Variants in SPECC1 observed in about 807,000 individuals in gnomAD.
The protein encoded by SPECC1 is cytospin-B.
SPECC1 carries 62 observed loss-of-function variants against 104.1 expected under a neutral mutation model. The ratio of observed to expected loss-of-function variants is 0.60; its 90% CI spans 0.49 to 0.74. The LOEUF (loss-of-function observed/expected upper bound fraction) is 0.74. Ranked by LOEUF, SPECC1 falls within the 30% of genes least tolerant of loss-of-function variation. SPECC1 has a pLI of 0.00. For synonymous variants in SPECC1, 513 were observed against 501.6 expected (o/e 1.02, Z -0.30); for missense variants, 1,306 against 1,310.5 (o/e 1.00, Z 0.05).
intron 9 of SPECC1, among the ~76,000 whole-genome samples, chr17:20,249,337 G>C (rs143827614): frequency 7.2e-5 from 11 of 152,264 alleles, no homozygotes; most frequent in African/African-American, 1.4e-4. Flanking sequence ...AGAATCACTT[G>C]AACTCAGGAG....
intron 1 of SPECC1, among the ~76,000 whole-genome samples, chr17:20,021,700 ATAT>A (rs1405419663): frequency 0.022 from 2,240 of 101,604 alleles, 55 homozygotes; most frequent in African/African-American, 0.064. Flanking sequence ...ATATATATAT[ATAT>A]TTTTTTGTAC....
At chr17:20,258,653 C>G (rs1385772784) in intron 11 of SPECC1, among the ~76,000 whole-genome samples, 1 of 152,208 alleles carries the variant, frequency 6.6e-6, no homozygotes, top group Non-Finnish European at 1.5e-5. Flanking sequence ...TTAGTTTCTG[C>G]CTTTGTAATA....
chr17:20,043,572 G>A (rs1326254089), intron 1 of SPECC1, among the ~76,000 whole-genome samples: 1 of 151,962 alleles, frequency 6.6e-6, no homozygotes, highest in African/African-American at 2.4e-5. Flanking sequence ...GTTCCACGCG[G>A]GGCAAAGTGA....
intron 2 of SPECC1, among the ~76,000 whole-genome samples, chr17:20,103,722 C>T (rs577797376): frequency 1.3e-5 from 2 of 152,240 alleles, no homozygotes; most frequent in African/African-American, 4.8e-5. Context: ...GAGGAGTGCC[C>T]CCCTCTCTCC....
At chr17:20,276,738 C>T (rs1324864379) in intron 12 of SPECC1, among the ~76,000 whole-genome samples, 1 of 152,338 alleles carries the variant, frequency 6.6e-6, no homozygotes, top group East Asian at 1.9e-4. Flanking sequence ...AAGCTAGAGT[C>T]TGTTTTTGTT....
At chr17:20,019,919 G>T (rs547261975) in intron 1 of SPECC1, among the ~76,000 whole-genome samples, 1 of 152,238 alleles carries the variant, frequency 6.6e-6, no homozygotes, top group African/African-American at 2.4e-5. Context: ...TTGCCTCATT[G>T]TGTATAATCT....
intron 4 of SPECC1, among the ~76,000 whole-genome samples, chr17:20,226,073 A>C (rs996716730): frequency 6.6e-6 from 1 of 152,328 alleles, no homozygotes; most frequent in Admixed American, 6.5e-5. Context: ...TGTAATTGGA[A>C]AAAAATTTCA....
At chr17:20,253,452 G>A (rs2039706330) in intron 9 of SPECC1, 53 bp from the exon 10 acceptor site, 1 of 1,566,596 alleles carries the variant, frequency 6.4e-7, no homozygotes, top group Non-Finnish European at 8.8e-7. Flanking sequence ...CTGTGTTTGT[G>A]CTATTCTTGA....
intron 12 of SPECC1, among the ~76,000 whole-genome samples, chr17:20,269,528 T>A (rs1302877399): frequency 1.3e-5 from 2 of 152,204 alleles, no homozygotes. Flanking sequence ...GGGTTCAAGA[T>A]TCTCCTGCCT....
intron 3 of SPECC1, among the ~76,000 whole-genome samples, chr17:20,131,988 A>G (rs960733606): frequency 1.2e-4 from 19 of 152,228 alleles, no homozygotes; most frequent in Non-Finnish European, 2.5e-4. Context: ...ATGTAATGTT[A>G]GCTTTCGGGA....
At chr17:20,025,315 T>C (rs1700924336) in intron 1 of SPECC1, among the ~76,000 whole-genome samples, 1 of 152,234 alleles carries the variant, frequency 6.6e-6, no homozygotes, top group African/African-American at 2.4e-5. Context: ...TCAATTTCTA[T>C]GTTTAAGCTC....
intron 3 of SPECC1, among the ~76,000 whole-genome samples, chr17:20,169,321 A>ATGTGGTAGG (rs1369457529): frequency 6.6e-6 from 1 of 152,208 alleles, no homozygotes; most frequent in African/African-American, 2.4e-5. Flanking sequence ...ACTGGTGTTG[A>ATGTGGTAGG]TGTGGTAGGT....
At chr17:20,257,662 A>T in intron 11 of SPECC1, 55 bp downstream of exon 11, 1 of 1,595,054 alleles carries the variant, frequency 6.3e-7, no homozygotes. Flanking sequence ...ATCACCTTTT[A>T]TTCTTCCTTC....
Position 20,110,539 on chromosome 17 carries a change from A to G in SPECC1, c.260A>G (p.Glu87Gly), listed in dbSNP as rs757526242. 1.1e-5 allele frequency: 17 copies of G among 1,613,712 alleles called. No homozygotes were observed. The highest frequency in any genetic ancestry group is 1.7e-6 in the Non-Finnish European group (2 of 1,179,940). ...ATAGAISELT[E>G]SRLRSGTGAF... ...GCCGGAGCCATCTCGGAGCTCACGG[A>G]GAGCCGCCTGAGGAGCGGCACAGGT... is the stretch of plus-strand genomic sequence containing the variant. Residue 87 changes from glutamate (E) to glycine (G), a missense_variant, in exon 3 of 15, where the codon GAG becomes GGG. Glu to Gly is a moderately conservative substitution (Grantham distance 98). Transcript: ENST00000395527.
chr17:20,157,187 TCTC>T (rs1357847508), intron 3 of SPECC1, among the ~76,000 whole-genome samples: 1 of 152,134 alleles, frequency 6.6e-6, no homozygotes, highest in East Asian at 1.9e-4. Context: ...GCGCATTGCT[TCTC>T]CTTCATCTCC....
intron 1 of SPECC1, among the ~76,000 whole-genome samples, chr17:20,074,227 G>A (rs187299242): frequency 9.2e-5 from 14 of 152,308 alleles, no homozygotes; most frequent in Non-Finnish European, 1.5e-4. Context: ...GTGCCCTGTC[G>A]TCTGGCAGAG....
rs182284908 is a variant in SPECC1, at chr17:20,033,184, G to A, written c.-22+23760G>A. 1.5e-3 allele frequency among the ~76,000 whole-genome samples: 231 copies of A among 152,000 alleles called. 2 individuals are homozygous for A. Among genetic ancestry groups the A allele is most frequent in the African/African-American group, 5.2e-3 (217 of 41,490 alleles). ...TTGCCATATTGGCCAGGCTGGTCTC[G>A]AACTCCTGACCTAGGGTGATCTGCC... On this transcript the variant is annotated intron_variant, in intron 1 of 14. Coordinates refer to ENST00000395527, the MANE Select transcript of SPECC1 (RefSeq NM_001243439.2).
intron 12 of SPECC1, among the ~76,000 whole-genome samples, chr17:20,286,481 GC>G (rs765002370): frequency 3.9e-5 from 6 of 152,154 alleles, no homozygotes; most frequent in Non-Finnish European, 7.4e-5. Context: ...CTGTCGCGCA[GC>G]AGCTCAGCCA....
chr17:20,133,597 A>T (rs891225300), intron 3 of SPECC1, among the ~76,000 whole-genome samples: 4 of 152,164 alleles, frequency 2.6e-5, no homozygotes, highest in African/African-American at 9.7e-5. Context: ...AGGAATAAGA[A>T]TAGTTTAGTA....
Sources: gnomAD v4.1 joint callset for allele counts (sites outside exome capture counted in the v4.1 genomes callset) on GRCh38, gnomAD v4.1.1 for gene constraint, MANE v1.5 for transcripts, NCBI Gene and HGNC (gene_info 2026-07-23, HGNC 2026-07-21) for gene names.